Variants in BRINP2 observed in about 807,000 individuals in gnomAD.
BRINP2 encodes BMP/retinoic acid inducible neural specific 2, also known as BMP/retinoic acid-inducible neural-specific protein 2.
BRINP2 carries 21 observed loss-of-function variants against 69.2 expected under a neutral mutation model. The ratio of observed to expected loss-of-function variants is 0.30; its 90% CI spans 0.22 to 0.44. The LOEUF (loss-of-function observed/expected upper bound fraction) is 0.44, where lower values mean the gene tolerates loss of function less well. BRINP2 is among the 20% of genes least tolerant of loss of function. The pLI is 1.00. For missense variants in BRINP2, 877 were observed against 986.0 expected, an observed-to-expected ratio of 0.89 and a Z score of 1.48; for synonymous variants, 380 against 394.1, an observed-to-expected ratio of 0.96 and a Z score of 0.42.
chr1:177,235,043 C>T (rs933135757), intron 2 of BRINP2, among the ~76,000 whole-genome samples: 5 of 152,166 alleles, frequency 3.3e-5, no homozygotes, highest in Non-Finnish European at 5.9e-5. Flanking sequence ...GAAGTGCTCA[C>T]CCAATTTTTG....
chr1:177,173,949 G>T (rs781045350), intron 1 of BRINP2, among the ~76,000 whole-genome samples: 4 of 152,098 alleles, frequency 2.6e-5, no homozygotes, highest in Non-Finnish European at 5.9e-5. Flanking sequence ...TGTATTTTTG[G>T]TGATTCAACT....
intron 2 of BRINP2, among the ~76,000 whole-genome samples, chr1:177,233,885 G>A (rs1179678825): frequency 6.6e-6 from 1 of 152,122 alleles, no homozygotes; most frequent in African/African-American, 2.4e-5. Context: ...ATAGTCTTAG[G>A]ATACACCATG....
intron 4 of BRINP2, among the ~76,000 whole-genome samples, chr1:177,270,085 G>GGA (rs1469516471): frequency 7.2e-6 from 1 of 139,112 alleles, no homozygotes; most frequent in East Asian, 2.4e-4. Flanking sequence ...CAAGGGGTGG[G>GGA]GGGGGTGGTT....
intron 1 of BRINP2, among the ~76,000 whole-genome samples, chr1:177,190,279 CT>C (rs1460240823): frequency 6.6e-6 from 1 of 152,170 alleles, no homozygotes; most frequent in Non-Finnish European, 1.5e-5. Context: ...ACCTGTCTCT[CT>C]CCTCACTCAC....
intron 1 of BRINP2, among the ~76,000 whole-genome samples, chr1:177,187,992 C>G (rs1298113075): frequency 6.6e-6 from 1 of 152,106 alleles, no homozygotes; most frequent in African/African-American, 2.4e-5. Flanking sequence ...TTTTCTGAGC[C>G]TCTATTTTCT....
At chr1:177,260,907 A>G (rs1428883448) in intron 4 of BRINP2, among the ~76,000 whole-genome samples, 1 of 152,208 alleles carries the variant, frequency 6.6e-6, no homozygotes, top group Non-Finnish European at 1.5e-5. Flanking sequence ...AGCTGAACCC[A>G]TAATATCTCT....
At chr1:177,219,202 T>C (rs924447667) in intron 1 of BRINP2, among the ~76,000 whole-genome samples, 19 of 152,176 alleles carry the variant, frequency 1.2e-4, no homozygotes, top group African/African-American at 4.3e-4. Context: ...AGTCTACTTG[T>C]GGAACTTCCA....
intron 2 of BRINP2, among the ~76,000 whole-genome samples, chr1:177,236,522 T>C (rs944784430): frequency 1.3e-5 from 2 of 152,214 alleles, no homozygotes; most frequent in Admixed American, 1.3e-4. Flanking sequence ...GCTTGGTGCT[T>C]ATTATTGCAC....
chr1:177,176,951 G>A (rs1027063601), intron 1 of BRINP2, among the ~76,000 whole-genome samples: 1 of 152,168 alleles, frequency 6.6e-6, no homozygotes, highest in Non-Finnish European at 1.5e-5. Context: ...TCCAAAGGGT[G>A]AGGACACAAT....
chr1:177,227,330 T>G (rs1443761340), intron 1 of BRINP2, among the ~76,000 whole-genome samples: 2 of 152,204 alleles, frequency 1.3e-5, no homozygotes, highest in Non-Finnish European at 2.9e-5. Flanking sequence ...CCCCATCCCT[T>G]TTGTCATTAT....
chr1:177,184,063 G>A lies in BRINP2; in HGVS notation c.-77+12331G>A, dbSNP rs182853479. Among the ~76,000 whole-genome samples the A allele has an allele frequency of 4.3e-3, 661 of 152,244 alleles. 8 individuals carry two copies. Among genetic ancestry groups the A allele is most frequent in the Middle Eastern group, 0.01 (3 of 294 alleles). On this transcript the variant is annotated intron_variant, in intron 1 of 7. Coordinates refer to ENST00000361539, the MANE Select transcript of BRINP2 (RefSeq NM_021165.4). Reference sequence around the variant, plus strand: ...TCGACCAGATACCCAGCTCCTTATAGGCCGATGGTATGCAATCTACTTGAC... The same window carrying A: ...TCGACCAGATACCCAGCTCCTTATAAGCCGATGGTATGCAATCTACTTGAC...
chr1:177,233,005 A>G (rs1301219122), intron 2 of BRINP2, among the ~76,000 whole-genome samples: 1 of 152,218 alleles, frequency 6.6e-6, no homozygotes, highest in Non-Finnish European at 1.5e-5. Flanking sequence ...TCACTTGAAG[A>G]TTTCATAGGA....
intron 6 of BRINP2, among the ~76,000 whole-genome samples, chr1:177,277,897 T>C (rs534010949): frequency 9.2e-5 from 14 of 152,180 alleles, no homozygotes; most frequent in Admixed American, 2.0e-4. Flanking sequence ...CCCAGGAAGC[T>C]CTAAGGAGAA....
At chr1:177,248,005 CT>C (rs1015978190) in intron 2 of BRINP2, among the ~76,000 whole-genome samples, 3 of 152,148 alleles carry the variant, frequency 2.0e-5, no homozygotes, top group African/African-American at 7.2e-5. Flanking sequence ...AGGGATGTGA[CT>C]TTCCAAATGA....
intron 1 of BRINP2, among the ~76,000 whole-genome samples, chr1:177,212,043 C>T (rs1649235960): frequency 6.7e-6 from 1 of 150,168 alleles, no homozygotes; most frequent in African/African-American, 2.5e-5. Flanking sequence ...TATGTGCCAT[C>T]TGTCTACATA....
chr1:177,246,274 C>A (rs1315139092), intron 2 of BRINP2, among the ~76,000 whole-genome samples: 1 of 152,216 alleles, frequency 6.6e-6, no homozygotes, highest in Non-Finnish European at 1.5e-5. Flanking sequence ...ACTCCCTGAG[C>A]TTGAACACAG....
intron 1 of BRINP2, among the ~76,000 whole-genome samples, chr1:177,195,617 C>A (rs1648723162): frequency 6.6e-6 from 1 of 151,554 alleles, no homozygotes; most frequent in Admixed American, 6.6e-5. Context: ...TATTTAACCC[C>A]TCTGGCTCAA....
intron 1 of BRINP2, among the ~76,000 whole-genome samples, chr1:177,184,645 CT>C (rs61361222): frequency 1.4e-3 from 204 of 144,852 alleles, no homozygotes; most frequent in Middle Eastern, 3.5e-3. Flanking sequence ...GAGCCTGAGT[CT>C]TTTTTTTTTT....
chr1:177,256,355 C>G, intron 3 of BRINP2: 1 of 985,382 alleles, frequency 1.0e-6, no homozygotes, highest in Non-Finnish European at 1.2e-6. Context: ...AGGCTCCTAA[C>G]AAGCACTTGC....
Sources: allele counts gnomAD v4.1 joint callset (sites outside exome capture counted in the v4.1 genomes callset), GRCh38; gene constraint gnomAD v4.1.1; transcripts MANE v1.5; gene names NCBI Gene and HGNC (gene_info 2026-07-23, HGNC 2026-07-21).